The following MGAT4C variants were observed in gnomAD, a reference collection of about 807,000 sequenced individuals.
MGAT4C encodes MGAT4 family member C, also known as alpha-1,3-mannosyl-glycoprotein 4-beta-N-acetylglucosaminyltransferase C.
A neutral mutation model predicts 40.1 loss-of-function variants in MGAT4C; 19 were observed. The observed-to-expected ratio is 0.47, with a 90% confidence interval of 0.33 to 0.70. The LOEUF (loss-of-function observed/expected upper bound fraction) is 0.70. MGAT4C is among the 30% of genes least tolerant of loss of function. The pLI, the probability that MGAT4C is intolerant of heterozygous loss-of-function variation, is 0.02. For missense variants in MGAT4C, 491 were observed against 563.2 expected, an observed-to-expected ratio of 0.87 and a Z score of 1.30; for synonymous variants, 181 against 187.1, an observed-to-expected ratio of 0.97 and a Z score of 0.27.
At chr12:86,296,687 G>C (rs1953687798) in intron 4 of MGAT4C, among the ~76,000 whole-genome samples, 1 of 152,242 alleles carries the variant, frequency 6.6e-6, no homozygotes, top group African/African-American at 2.4e-5. Flanking sequence ...GGGCCGGCCA[G>C]CGGCTCCGAG....
intron 3 of MGAT4C, among the ~76,000 whole-genome samples, chr12:86,416,077 A>G (rs1956705760): frequency 6.6e-6 from 1 of 152,108 alleles, no homozygotes; most frequent in Admixed American, 6.6e-5. Context: ...ATATGTACAC[A>G]TTTGTATATA....
At chr12:86,075,694 G>A (rs758548089) in intron 1 of MGAT4C, among the ~76,000 whole-genome samples, 6 of 152,182 alleles carry the variant, frequency 3.9e-5, no homozygotes, top group East Asian at 1.9e-4. Context: ...TTCCCAAACC[G>A]CAATTCTTGA....
chr12:86,543,969 AG>A (rs939751264), intron 2 of MGAT4C, among the ~76,000 whole-genome samples: 1 of 151,996 alleles, frequency 6.6e-6, no homozygotes, highest in Non-Finnish European at 1.5e-5. Flanking sequence ...ACTCCTCATC[AG>A]GGGGGCTCAG....
intron 3 of MGAT4C, among the ~76,000 whole-genome samples, chr12:86,345,752 C>A (rs559517549): frequency 1.3e-5 from 2 of 152,244 alleles, no homozygotes; most frequent in South Asian, 4.1e-4. Context: ...GATTTATAAT[C>A]CTTTGGGTAT....
At chr12:86,547,532 A>T (rs887362373) in intron 2 of MGAT4C, among the ~76,000 whole-genome samples, 3 of 152,160 alleles carry the variant, frequency 2.0e-5, no homozygotes, top group African/African-American at 7.2e-5. Flanking sequence ...GTACTCAAAG[A>T]TACCAAGAGA....
chr12:86,332,431 A>G (rs1349726939), intron 4 of MGAT4C, among the ~76,000 whole-genome samples: 1 of 150,878 alleles, frequency 6.6e-6, no homozygotes, highest in African/African-American at 2.4e-5. Flanking sequence ...AAAAAAAAAG[A>G]AAAAAAAAGC....
At chr12:86,072,500 G>C (rs994863417) in intron 1 of MGAT4C, among the ~76,000 whole-genome samples, 1 of 152,062 alleles carries the variant, frequency 6.6e-6, no homozygotes, top group South Asian at 2.1e-4. Context: ...ATTTATATCT[G>C]TAAGGCTCTT....
chr12:86,656,777 G>A (rs1963861648), intron 2 of MGAT4C, among the ~76,000 whole-genome samples: 4 of 151,988 alleles, frequency 2.6e-5, no homozygotes, highest in Admixed American at 2.6e-4. Context: ...TCAGCCAAGT[G>A]TGTCTTTGCT....
chr12:86,543,544 G>A (rs1420831886), intron 2 of MGAT4C, among the ~76,000 whole-genome samples: 5 of 151,980 alleles, frequency 3.3e-5, no homozygotes, highest in Non-Finnish European at 7.4e-5. Context: ...TCCAGGTATA[G>A]TACTAAGTAC....
intron 2 of MGAT4C, among the ~76,000 whole-genome samples, chr12:86,620,057 T>TGTTATTATTAAAAAAAATGTTATTATTA (rs1469525772): frequency 6.6e-6 from 1 of 152,006 alleles, no homozygotes; most frequent in Non-Finnish European, 1.5e-5. Flanking sequence ...TATTAAAAAA[T>TGTTATTATTAAAAAAAATGTTATTATTA]CAACAGATGT....
At chr12:86,034,038 T>C (rs1009925720) in intron 2 of MGAT4C, among the ~76,000 whole-genome samples, 1 of 149,866 alleles carries the variant, frequency 6.7e-6, no homozygotes, top group South Asian at 2.1e-4. Flanking sequence ...TAGTTCTGTT[T>C]ATGTGACAAA....
chr12:86,210,486 G>T (rs1950419219), intron 1 of MGAT4C, among the ~76,000 whole-genome samples: 1 of 152,162 alleles, frequency 6.6e-6, no homozygotes, highest in Admixed American at 6.5e-5. Context: ...TCACTCATAA[G>T]CTCAGCTTTA....
chr12:86,542,906 T>C (rs1211342401), intron 2 of MGAT4C, among the ~76,000 whole-genome samples: 1 of 152,182 alleles, frequency 6.6e-6, no homozygotes, highest in Non-Finnish European at 1.5e-5. Flanking sequence ...CATTTTAAAC[T>C]TACAAATATT....
chr12:85,999,549 T>A (rs954103621), intron 2 of MGAT4C, among the ~76,000 whole-genome samples: 1 of 148,456 alleles, frequency 6.7e-6, no homozygotes, highest in African/African-American at 2.5e-5. Context: ...CATATGCAGA[T>A]GAATAGGTAA....
intron 3 of MGAT4C, among the ~76,000 whole-genome samples, chr12:86,394,992 G>A (rs183627461): frequency 1.4e-3 from 219 of 151,980 alleles, no homozygotes; most frequent in Non-Finnish European, 2.0e-3. Flanking sequence ...ACATTTATGA[G>A]TCCCCTTTCT....
At chr12:86,429,095 T>C (rs1404520515) in intron 3 of MGAT4C, among the ~76,000 whole-genome samples, 1 of 152,114 alleles carries the variant, frequency 6.6e-6, no homozygotes, top group Non-Finnish European at 1.5e-5. Flanking sequence ...TGTAGGTACC[T>C]ATTGCAAGAA....
chr12:86,629,354 G>A lies in MGAT4C; in HGVS notation c.-229+97855C>T, dbSNP rs545544560. Among the ~76,000 whole-genome samples, 9 of 152,082 alleles carry A rather than the reference G, an allele frequency of 5.9e-5. No homozygotes were observed. The East Asian group carries it at 1.7e-3, about 29-fold the overall frequency. ...TATCAGACAGATCAATGAGACAGAA[G>A]GTTAACAAGGATATCCAGGACTTGA... On this transcript the variant is annotated intron_variant, in intron 2 of 7. Coordinates refer to the MGAT4C transcript ENST00000548651.
At chr12:86,142,421 C>T (rs1882960208) in intron 1 of MGAT4C, among the ~76,000 whole-genome samples, 1 of 152,104 alleles carries the variant, frequency 6.6e-6, no homozygotes, top group Non-Finnish European at 1.5e-5. Context: ...ACTCTGATCT[C>T]TGGGTTGCTC....
chr12:86,277,547 T>C (rs972066382), intron 4 of MGAT4C, among the ~76,000 whole-genome samples: 1 of 152,218 alleles, frequency 6.6e-6, no homozygotes, highest in Non-Finnish European at 1.5e-5. Context: ...TTTAAGTCTT[T>C]AATCAATTTT....
Sources: allele counts gnomAD v4.1 joint callset (sites outside exome capture counted in the v4.1 genomes callset), GRCh38; gene constraint gnomAD v4.1.1; transcripts MANE v1.5; gene names NCBI Gene and HGNC (gene_info 2026-07-23, HGNC 2026-07-21).